The following MTMR12 variants were observed in gnomAD, a reference collection of about 807,000 sequenced individuals.
The protein encoded by MTMR12 is myotubularin-related protein 12.
Under a neutral mutation model 96.7 loss-of-function variants are expected in MTMR12, and 33 were observed. That is an observed-to-expected ratio of 0.34 (90% CI 0.26 to 0.46). The LOEUF is 0.46. Among genes scored for constraint, MTMR12 ranks in the 20% least tolerant of loss-of-function variants. MTMR12 has a pLI of 1.00. For synonymous variants in MTMR12, 298 were observed against 327.2 expected (o/e 0.91, Z 0.96); for missense variants, 721 against 896.1 (o/e 0.80, Z 2.49).
chr5:32,255,775 G>A lies in MTMR12; in HGVS notation c.714-7C>T, dbSNP rs1486491850. 6.2e-7 allele frequency: 1 copy of A among 1,605,450 alleles called. No individual in the cohort carries two copies. Among genetic ancestry groups the A allele is most frequent in the Admixed American group, 1.7e-5 (1 of 58,658 alleles). On this transcript the variant is annotated splice_polypyrimidine_tract_variant and splice_region_variant and intron_variant, in intron 7 of 15. Transcript: ENST00000382142. ...AACAAAGTATGCTGGCAATCTAGAA[G>A]AAAGAAATGTCATCAAGTTTTAGTA... is the stretch of plus-strand genomic sequence containing the variant.
At chr5:32,251,012 A>C (rs1748897438) in intron 8 of MTMR12, among the ~76,000 whole-genome samples, 1 of 152,146 alleles carries the variant, frequency 6.6e-6, no homozygotes, top group Admixed American at 6.5e-5. Flanking sequence ...GTTTTTTTAA[A>C]AAAAGGATTA....
At chr5:32,311,939 G>A (rs921098999) in intron 1 of MTMR12, among the ~76,000 whole-genome samples, 4 of 152,184 alleles carry the variant, frequency 2.6e-5, no homozygotes, top group African/African-American at 4.8e-5. Flanking sequence ...CTACTACACC[G>A]TATAATTTAC....
rs1428165865 is a variant in MTMR12, at chr5:32,233,383, CTATT to C, written c.1674+386_1674+389del. On this transcript the variant is annotated intron_variant, in intron 15 of 15. Transcript: ENST00000382142. The surrounding 1 kb of genome is among the most constrained non-coding windows in gnomAD (Gnocchi z 5.0). ...GCACAGCTCATTAAGAAAAGTCTTA[CTATT>C]TATTATAATAAATGAACTGGTATCG... 6.6e-6 allele frequency among the ~76,000 whole-genome samples: 1 copy of C among 151,944 alleles called. No homozygotes were observed. Among genetic ancestry groups the C allele is most frequent in the South Asian group, 2.1e-4 (1 of 4,818 alleles).
chr5:32,234,003 A>T, intron 14 of MTMR12, 69 bp from the exon 15 acceptor site: 1 of 1,559,948 alleles, frequency 6.4e-7, no homozygotes, highest in Non-Finnish European at 8.8e-7. Context: ...ATACTTCTGG[A>T]CACAGGCACC....
Position 32,268,802 on chromosome 5 carries a change from AG to A in MTMR12, c.490-9del, listed in dbSNP as rs1561777583. ...AATTATGCCACTGACAATCTAAAAA[AG>A]AATCGAACAATGGATATAGTTATGG... On this transcript the variant is annotated splice_polypyrimidine_tract_variant and intron_variant, in intron 5 of 15. Transcript: ENST00000382142. The A allele has an allele frequency of 1.9e-6, 3 of 1,599,572 alleles. No homozygotes were observed. Among genetic ancestry groups the A allele is most frequent in the Admixed American group, 1.7e-5 (1 of 59,998 alleles).
chr5:32,248,741 A>G, intron 9 of MTMR12, 31 bp downstream of exon 9: 20 of 1,562,430 alleles, frequency 1.3e-5, no homozygotes, highest in Non-Finnish European at 1.7e-5. Context: ...ACAAGAACTG[A>G]ACAAGAACAA....
At chr5:32,276,365 G>A (rs1053488466) in intron 2 of MTMR12, among the ~76,000 whole-genome samples, 1 of 152,218 alleles carries the variant, frequency 6.6e-6, no homozygotes, top group Admixed American at 6.5e-5. Context: ...ACAGATTGGG[G>A]ATCAGCATAC....
chr5:32,234,830 TG>T, intron 14 of MTMR12, 131 bp downstream of exon 14: 1 of 798,046 alleles, frequency 1.3e-6, no homozygotes, highest in East Asian at 2.6e-5. Flanking sequence ...TAATCTTCTC[TG>T]TATTATTCCA....
At chr5:32,300,280 T>C (rs1751088772) in intron 1 of MTMR12, among the ~76,000 whole-genome samples, 1 of 152,136 alleles carries the variant, frequency 6.6e-6, no homozygotes, top group African/African-American at 2.4e-5. Context: ...TTATATGGTT[T>C]ATTTCTTCTC....
chr5:32,256,026 C>T (rs2112040553), intron 7 of MTMR12: 2 of 262,200 alleles, frequency 7.6e-6, no homozygotes, highest in East Asian at 1.4e-4. Flanking sequence ...TTCTACCTCT[C>T]TGGGTCTGTT....
chr5:32,266,843 G>A (rs1438238472), intron 6 of MTMR12, among the ~76,000 whole-genome samples: 1 of 152,022 alleles, frequency 6.6e-6, no homozygotes, highest in Non-Finnish European at 1.5e-5. Flanking sequence ...ACTTTGGGAG[G>A]CCAAGGCAGG....
chr5:32,301,952 CAAAAACAAAAACA>C (rs1288654273), intron 1 of MTMR12, among the ~76,000 whole-genome samples: 6 of 151,762 alleles, frequency 4.0e-5, no homozygotes, highest in African/African-American at 4.8e-5. Context: ...AGCAAAAAAA[CAAAAACAAAAACA>C]AAAAACAAAA....
At chr5:32,304,097 G>A (rs992350468) in intron 1 of MTMR12, among the ~76,000 whole-genome samples, 9 of 152,154 alleles carry the variant, frequency 5.9e-5, no homozygotes, top group Middle Eastern at 3.4e-3. Flanking sequence ...CGAGGCGGGC[G>A]GATCACAAGG....
chr5:32,305,702 G>A (rs1035211091), intron 1 of MTMR12, among the ~76,000 whole-genome samples: 3 of 152,088 alleles, frequency 2.0e-5, no homozygotes, highest in Non-Finnish European at 4.4e-5. Context: ...TTGGGAGTTC[G>A]AGACCAGCCT....
intron 5 of MTMR12, among the ~76,000 whole-genome samples, chr5:32,270,538 C>T (rs893654163): frequency 3.9e-5 from 6 of 152,162 alleles, no homozygotes; most frequent in Non-Finnish European, 7.3e-5. Context: ...TTTCCCCTAC[C>T]GCCTACTGAC....
At chr5:32,302,488 G>T (rs1435294079) in intron 1 of MTMR12, among the ~76,000 whole-genome samples, 1 of 152,142 alleles carries the variant, frequency 6.6e-6, no homozygotes, top group Non-Finnish European at 1.5e-5. Context: ...GGAAGCCGAG[G>T]TGGGTAGATC....
chr5:32,280,881 T>C (rs894547256), intron 1 of MTMR12, among the ~76,000 whole-genome samples: 6 of 152,050 alleles, frequency 3.9e-5, no homozygotes, highest in African/African-American at 1.2e-4. Context: ...TTTGTTATAG[T>C]TGTTGGGGGT....
Position 32,312,880 on chromosome 5 carries a change from G to A in MTMR12, c.-42C>T, listed in dbSNP as rs1333373289. On this transcript the variant is annotated 5_prime_UTR_variant, in exon 1 of 16. Transcript: ENST00000382142. The surrounding 1 kb of genome is among the most constrained non-coding windows in gnomAD (Gnocchi z 5.0). ...GCAGCGACGCGCGGACGCAGAGGCG[G>A]CGGCTCGGGCTCCAGCTGGGGCAGC... 3 of 1,497,132 alleles carry A rather than the reference G, an allele frequency of 2.0e-6. No homozygotes were observed. Among genetic ancestry groups the A allele is most frequent in the Non-Finnish European group, 2.7e-6 (3 of 1,127,408 alleles). 92.7% of individuals were successfully genotyped at this position (1,497,132 alleles called of 1,614,324 possible).
At chr5:32,309,863 G>C (rs950808863) in intron 1 of MTMR12, 1 of 152,140 alleles carries the variant, frequency 6.6e-6, no homozygotes, top group South Asian at 2.1e-4. Flanking sequence ...AATAACAAAT[G>C]CTAGTAAGGA....
Sources: allele counts gnomAD v4.1 joint callset (sites outside exome capture counted in the v4.1 genomes callset), GRCh38; gene constraint gnomAD v4.1.1; non-coding constraint Gnocchi (gnomAD v3.1); transcripts MANE v1.5; gene names NCBI Gene and HGNC (gene_info 2026-07-23, HGNC 2026-07-21).